Variants in QRFPR observed in about 807,000 individuals in gnomAD.
The protein encoded by QRFPR is pyroglutamylated RF-amide peptide receptor.
In QRFPR, 37 loss-of-function variants were observed where a neutral mutation model predicts 31.3. That is an observed-to-expected ratio of 1.18 (90% confidence interval 0.91 to 1.56). QRFPR has a LOEUF of 1.56. QRFPR is among the 40% of genes most tolerant of loss of function. The pLI is 0.00. For synonymous variants in QRFPR, 197 were observed against 192.0 expected, an observed-to-expected ratio of 1.03 and a Z score of -0.22; for missense variants, 542 against 532.5, an observed-to-expected ratio of 1.02 and a Z score of -0.18.
At chr4:121,380,197 GAGA>G (rs1560749189) in intron 1 of QRFPR, 108 bp downstream of exon 1, 12,739 of 438,722 alleles carry the variant, frequency 0.029, 660 homozygotes, top group Non-Finnish European at 0.035. Flanking sequence ...GAGAGAGAGA[GAGA>G]GAGAGAGAGA....
At chr4:121,351,349 T>A (rs2110474755) in intron 1 of QRFPR, among the ~76,000 whole-genome samples, 1 of 152,304 alleles carries the variant, frequency 6.6e-6, no homozygotes, top group South Asian at 2.1e-4. Context: ...TCAATTACTT[T>A]GTAAGAACTG....
intron 1 of QRFPR, among the ~76,000 whole-genome samples, chr4:121,379,488 C>T (rs1253616236): frequency 6.6e-6 from 1 of 152,242 alleles, no homozygotes; most frequent in Non-Finnish European, 1.5e-5. Context: ...CACACTACTG[C>T]TCCTGGGTTT....
chr4:121,380,311 C>G lies in QRFPR; in HGVS notation c.337G>C (p.Gly113Arg), dbSNP rs756314761. 3.7e-6 allele frequency: 6 copies of G among 1,611,152 alleles called. No homozygotes were observed. Among genetic ancestry groups the G allele is most frequent in the Non-Finnish European group, 5.1e-6 (6 of 1,178,422 alleles). Residue 113 changes from glycine to arginine, a missense_variant, in exon 1 of 6, where the codon GGG becomes CGG. By Grantham distance (125) the Gly-to-Arg change is moderately radical. Transcript: ENST00000394427. Reference protein sequence around the residue: ...MLQNISDNWLGGAFICKMVPF... With the variant: ...MLQNISDNWLRGAFICKMVPF... Reference sequence around the variant, plus strand: ...AGGAGCGGGGCGCGACTCTTACCCCCCAGCCAGTTGTCGGAAATGTTCTGG... The same window carrying G: ...AGGAGCGGGGCGCGACTCTTACCCCGCAGCCAGTTGTCGGAAATGTTCTGG...
intron 1 of QRFPR, among the ~76,000 whole-genome samples, chr4:121,345,045 A>T (rs1209374229): frequency 1.3e-5 from 2 of 152,024 alleles, no homozygotes; most frequent in African/African-American, 4.8e-5. Context: ...TGGAATGTGT[A>T]TTTCTCATAT....
chr4:121,369,573 G>A (rs942894316), intron 1 of QRFPR: 1 of 1,611,002 alleles, frequency 6.2e-7, no homozygotes, highest in Non-Finnish European at 8.5e-7. Context: ...CGGTTGGCCT[G>A]GGCACGGATC....
rs1034220989 is a variant in QRFPR at position 121,350,689 on chromosome 4, C to T, written c.341-10079G>A. Reference sequence around the variant, plus strand: ...AAGGTATTTTATTTTTGGAAGGTAGCTTGATACTTTTCCTATATATCATTT... The same window carrying T: ...AAGGTATTTTATTTTTGGAAGGTAGTTTGATACTTTTCCTATATATCATTT... On this transcript the variant is annotated intron_variant, in intron 1 of 5. Transcript: ENST00000394427. Among the ~76,000 whole-genome samples the T allele has an allele frequency of 2.0e-5, 3 of 152,214 alleles. No homozygotes were observed. In the East Asian group the frequency reaches 5.8e-4, roughly 29 times the overall value.
intron 1 of QRFPR, among the ~76,000 whole-genome samples, chr4:121,358,738 T>C (rs1725918048): frequency 1.3e-5 from 2 of 152,186 alleles, no homozygotes; most frequent in Non-Finnish European, 2.9e-5. Flanking sequence ...TTGTCCTTAT[T>C]TATGACATAA....
chr4:121,347,932 A>C (rs1725688996), intron 1 of QRFPR, among the ~76,000 whole-genome samples: 1 of 152,166 alleles, frequency 6.6e-6, no homozygotes, highest in South Asian at 2.1e-4. Flanking sequence ...CCTTGTGAAT[A>C]TATTTATGTC....
At chr4:121,340,100 C>G (rs1725509917) in intron 2 of QRFPR, 2 of 186,950 alleles carry the variant, frequency 1.1e-5, no homozygotes, top group Admixed American at 1.5e-4. Context: ...GTAGTTGACA[C>G]TCTGTCTCAA....
chr4:121,365,628 T>C (rs1449515936), intron 1 of QRFPR, among the ~76,000 whole-genome samples: 2 of 25,262 alleles, frequency 7.9e-5, no homozygotes, highest in Admixed American at 7.7e-4. Context: ...ATATTATATA[T>C]TATATATATA....
At chr4:121,360,063 C>T (rs1308699261) in intron 1 of QRFPR, among the ~76,000 whole-genome samples, 1 of 152,092 alleles carries the variant, frequency 6.6e-6, no homozygotes, top group East Asian at 1.9e-4. Flanking sequence ...GCACATAACA[C>T]AGTCCAAAAT....
rs775174264 is a variant in QRFPR, at chr4:121,332,846, C to T, written c.772G>A (p.Gly258Arg). The part of the protein sequence containing the change: ...GDGSVLRTIH[G>R]KEMSKIARKK... Reference sequence around the variant, plus strand: ...CTGGCTATTTTGGACATTTCTTTTCCATGAATAGTTCGAAGCACTGAACCA... The same window carrying T: ...CTGGCTATTTTGGACATTTCTTTTCTATGAATAGTTCGAAGCACTGAACCA... Residue 258 changes from glycine (G) to arginine (R), a missense_variant, in exon 4 of 6, where the codon GGA becomes AGA. By Grantham distance (125) the Gly-to-Arg change is moderately radical. Transcript: ENST00000394427. 1 of 1,613,674 alleles carries T rather than the reference C, an allele frequency of 6.2e-7. No homozygotes were observed. Among genetic ancestry groups the T allele is most frequent in the South Asian group, 1.1e-5 (1 of 91,036 alleles).
At chr4:121,343,757 A>C (rs558928888) in intron 1 of QRFPR, among the ~76,000 whole-genome samples, 4 of 152,336 alleles carry the variant, frequency 2.6e-5, no homozygotes, top group South Asian at 4.1e-4. Context: ...AAGGAAATAT[A>C]TTTTAAATAC....
chr4:121,351,086 A>G (rs1725752596), intron 1 of QRFPR, among the ~76,000 whole-genome samples: 1 of 152,174 alleles, frequency 6.6e-6, no homozygotes, highest in Non-Finnish European at 1.5e-5. Context: ...CACATGTACA[A>G]TAAAAGAAAG....
Position 121,365,630 on chromosome 4 carries a change from A to ATATATAATATATAATATATAT in QRFPR, c.340+14677_340+14678insATATATATTATATATTATATA, listed in dbSNP as rs1726115461. 2.0e-3 allele frequency among the ~76,000 whole-genome samples: 13 copies of ATATATAATATATAATATATAT among 6,398 alleles called. 5 individuals are homozygous for ATATATAATATATAATATATAT. The highest frequency in any genetic ancestry group is 3.2e-3 in the Non-Finnish European group (10 of 3,126). 4.2% of individuals were successfully genotyped at this position (6,398 alleles called of 152,430 possible). ...ATATATATTATATATATTATATATT[A>ATATATAATATATAATATATAT]TATATATATTTTATATATTATATAT... On this transcript the variant is annotated intron_variant, in intron 1 of 5. Transcript: ENST00000394427.
chr4:121,341,649 T>C (rs1030613189), intron 1 of QRFPR, among the ~76,000 whole-genome samples: 2 of 152,210 alleles, frequency 1.3e-5, no homozygotes, highest in African/African-American at 2.4e-5. Context: ...TGTATATAAC[T>C]ACCTTAAGGC....
At chr4:121,353,014 A>C (rs1326757494) in intron 1 of QRFPR, among the ~76,000 whole-genome samples, 2 of 152,066 alleles carry the variant, frequency 1.3e-5, no homozygotes, top group Non-Finnish European at 2.9e-5. Context: ...AACGTCCTCC[A>C]GTTCCATCTA....
At chr4:121,365,562 ATATTATATATAATATATAT>A (rs1726095842) in intron 1 of QRFPR, among the ~76,000 whole-genome samples, 1 of 5,880 alleles carries the variant, frequency 1.7e-4, no homozygotes, top group Non-Finnish European at 2.4e-4. Flanking sequence ...TATATAATAT[ATATTATATATAATATATAT>A]TATATATATT....
chr4:121,369,912 G>T (rs1468718797), intron 1 of QRFPR: 1 of 779,312 alleles, frequency 1.3e-6, no homozygotes, highest in Non-Finnish European at 2.4e-6. Flanking sequence ...GCTACTCTAA[G>T]GTACTTGGTC....
Sources: gnomAD v4.1 joint callset for allele counts (sites outside exome capture counted in the v4.1 genomes callset) on GRCh38, gnomAD v4.1.1 for gene constraint, MANE v1.5 for transcripts, NCBI Gene and HGNC (gene_info 2026-07-23, HGNC 2026-07-21) for gene names.